NPAS3: variants seen among roughly 807,000 people sequenced by gnomAD.
NPAS3 encodes the protein neuronal PAS domain-containing protein 3.
NPAS3 carries 14 observed loss-of-function variants against 73.1 expected under a neutral mutation model. That is an observed-to-expected ratio of 0.19 (90% CI 0.13 to 0.30). The LOEUF (loss-of-function observed/expected upper bound fraction) is 0.30. Among genes scored for constraint, NPAS3 ranks in the 10% least tolerant of loss-of-function variants. The pLI, the probability that NPAS3 is intolerant of heterozygous loss-of-function variation, is 1.00. For missense variants in NPAS3, 1,096 were observed against 1,250.0 expected (o/e 0.88, Z 1.86); for synonymous variants, 620 against 541.5 (o/e 1.14, Z -2.01).
intron 5 of NPAS3, among the ~76,000 whole-genome samples, chr14:33,625,457 A>C (rs2058193877): frequency 1.3e-5 from 2 of 152,206 alleles, no homozygotes; most frequent in African/African-American, 4.8e-5. Flanking sequence ...AAGACGCTGC[A>C]GGAGAGTTCA....
chr14:33,334,883 T>C (rs1043371854), intron 3 of NPAS3, among the ~76,000 whole-genome samples: 2 of 152,174 alleles, frequency 1.3e-5, no homozygotes, highest in African/African-American at 2.4e-5. Flanking sequence ...TGCATCCTCA[T>C]AGCTTAGCTG....
At chr14:33,286,401 A>G (rs2041874944) in intron 3 of NPAS3, among the ~76,000 whole-genome samples, 2 of 152,200 alleles carry the variant, frequency 1.3e-5, no homozygotes, top group East Asian at 3.8e-4. Context: ...GTGGATACAG[A>G]GATAGTAATC....
chr14:33,482,111 A>G lies in NPAS3; in HGVS notation c.469-78010A>G, dbSNP rs183887334. 7.5e-3 allele frequency among the ~76,000 whole-genome samples: 1,134 copies of G among 151,566 alleles called. 5 individuals are homozygous for G. Among genetic ancestry groups the G allele is most frequent in the Non-Finnish European group, 0.013 (850 of 67,858 alleles). On this transcript the variant is annotated intron_variant, in intron 4 of 11. Coordinates refer to ENST00000356141, the Ensembl canonical transcript of NPAS3. ...ACCTCACAAATGATGATAGTTGTAA[A>G]TTATTCCCAGAAAACGAAAGGTTCT... is the stretch of plus-strand genomic sequence containing the variant.
At chr14:33,604,954 G>T (rs1567047044) in intron 5 of NPAS3, among the ~76,000 whole-genome samples, 1 of 152,026 alleles carries the variant, frequency 6.6e-6, no homozygotes, top group Non-Finnish European at 1.5e-5. Context: ...CACTAAAGAA[G>T]TAGTTGGGGG....
intron 9 of NPAS3, among the ~76,000 whole-genome samples, chr14:33,793,346 G>C (rs990866849): frequency 1.3e-5 from 2 of 152,176 alleles, no homozygotes; most frequent in Non-Finnish European, 2.9e-5. Context: ...CGACTGACCA[G>C]TGTAAATTTA....
intron 2 of NPAS3, among the ~76,000 whole-genome samples, chr14:33,184,884 T>C (rs899310397): frequency 1.8e-4 from 27 of 152,160 alleles, no homozygotes; most frequent in African/African-American, 6.0e-4. Context: ...AACATGAACA[T>C]AGGGAAGGCC....
chr14:33,800,795 C>T lies in NPAS3; in HGVS notation c.2488C>T (p.Arg830Cys). The change falls in exon 12 of 12, where the codon CGC becomes TGC. Residue 830 changes from arginine to cysteine, a missense_variant. Physicochemically the swap from Arg to Cys is radical, Grantham distance 180. Transcript: ENST00000356141. The surrounding 1 kb of genome is among the most constrained non-coding windows in gnomAD (Gnocchi z 6.5). ...GAGGGTCTACACCACGGGCACCATC[C>T]GCTACGCGCCCGCCGAGGTGACCCT... 3.8e-6 allele frequency: 6 copies of T among 1,589,566 alleles called. No individual in the cohort carries two copies. Among genetic ancestry groups the T allele is most frequent in the Non-Finnish European group, 8.6e-7 (1 of 1,169,102 alleles).
At chr14:33,669,739 C>A (rs2059557785) in intron 5 of NPAS3, among the ~76,000 whole-genome samples, 1 of 152,120 alleles carries the variant, frequency 6.6e-6, no homozygotes, top group Admixed American at 6.5e-5. Flanking sequence ...GCATTTTCTT[C>A]TTTATTTCCT....
At chr14:33,196,737 C>T (rs1008245631) in intron 2 of NPAS3, among the ~76,000 whole-genome samples, 1 of 152,148 alleles carries the variant, frequency 6.6e-6, no homozygotes, top group African/African-American at 2.4e-5. Flanking sequence ...ATATAATAGA[C>T]CCAACTTGAT....
chr14:32,941,699 G>C (rs1435794070), intron 1 of NPAS3, among the ~76,000 whole-genome samples: 1 of 152,090 alleles, frequency 6.6e-6, no homozygotes, highest in East Asian at 1.9e-4. Context: ...CTTGGATGCT[G>C]TCATTTTAAA....
At chr14:33,238,466 T>G (rs1217788232) in intron 3 of NPAS3, among the ~76,000 whole-genome samples, 1 of 152,004 alleles carries the variant, frequency 6.6e-6, no homozygotes, top group East Asian at 1.9e-4. Context: ...AAGTTTCAGA[T>G]TAAGTAGATC....
chr14:33,130,847 C>G (rs780046338), intron 2 of NPAS3, among the ~76,000 whole-genome samples: 6 of 152,160 alleles, frequency 3.9e-5, no homozygotes, highest in Admixed American at 6.5e-5. Context: ...CACAGCATCT[C>G]TCTCTTCCTG....
intron 7 of NPAS3, among the ~76,000 whole-genome samples, chr14:33,735,876 A>G (rs948490691): frequency 5.3e-5 from 8 of 152,172 alleles, no homozygotes; most frequent in Non-Finnish European, 1.2e-4. Flanking sequence ...AATACTCGAT[A>G]TACGTAAGTT....
chr14:33,757,807 T>C (rs757638169), intron 7 of NPAS3, among the ~76,000 whole-genome samples: 11 of 152,280 alleles, frequency 7.2e-5, no homozygotes, highest in Admixed American at 4.6e-4. Flanking sequence ...TGGTCCAAGG[T>C]TGAAGCCTGA....
Position 33,800,965 on chromosome 14 carries a change from C to A in NPAS3, c.2658C>A (p.Gly886=), listed in dbSNP as rs139403103. The change falls in exon 12 of 12, where the codon GGC becomes GGA. Residue 886 remains glycine (G), a synonymous_variant. Transcript: ENST00000356141. This position sits in a 1 kb window ranked among gnomAD's most constrained non-coding sequence, Gnocchi z 6.5. Reference sequence around the variant, plus strand: ...GGCTCAACATGTCAGGACCGTTCGGCGGCGCAGTGAGCGCAGCTAGCCTGA... The same window carrying A: ...GGCTCAACATGTCAGGACCGTTCGGAGGCGCAGTGAGCGCAGCTAGCCTGA... 7.5e-6 allele frequency: 12 copies of A among 1,597,882 alleles called. No homozygotes were observed. Among genetic ancestry groups the A allele is most frequent in the Non-Finnish European group, 6.8e-6 (8 of 1,173,058 alleles).
At chr14:33,411,309 A>G (rs534123169) in intron 4 of NPAS3, among the ~76,000 whole-genome samples, 1 of 152,218 alleles carries the variant, frequency 6.6e-6, no homozygotes, top group African/African-American at 2.4e-5. Context: ...CAGCCTCCCA[A>G]GTGGCTGGGA....
At chr14:33,609,702 G>C (rs575258746) in intron 5 of NPAS3, among the ~76,000 whole-genome samples, 3 of 152,038 alleles carry the variant, frequency 2.0e-5, no homozygotes, top group Admixed American at 6.5e-5. Flanking sequence ...GCCTTTGTGG[G>C]TCTCCTGTGT....
At chr14:32,976,416 A>G (rs1304690172) in intron 1 of NPAS3, among the ~76,000 whole-genome samples, 3 of 152,150 alleles carry the variant, frequency 2.0e-5, no homozygotes, top group Non-Finnish European at 4.4e-5. Context: ...GCCATGTAAA[A>G]TTTATTTTTT....
chr14:33,198,099 G>A (rs1486759657), intron 2 of NPAS3, among the ~76,000 whole-genome samples: 7 of 152,062 alleles, frequency 4.6e-5, no homozygotes, highest in African/African-American at 1.2e-4. Context: ...TCCTCCCAGT[G>A]GGGGGTTCGT....
Sources: allele counts gnomAD v4.1 joint callset (sites outside exome capture counted in the v4.1 genomes callset), GRCh38; gene constraint gnomAD v4.1.1; non-coding constraint Gnocchi (gnomAD v3.1); transcripts MANE v1.5; gene names NCBI Gene and HGNC (gene_info 2026-07-23, HGNC 2026-07-21).